Variants in CFAP54 observed in about 807,000 individuals in gnomAD.
CFAP54 encodes cilia- and flagella-associated protein 54.
Under a neutral mutation model 370.4 loss-of-function variants are expected in CFAP54, and 290 were observed. The ratio of observed to expected loss-of-function variants is 0.78; its 90% CI spans 0.71 to 0.86. The LOEUF (loss-of-function observed/expected upper bound fraction) is 0.86, where lower values mean the gene tolerates loss of function less well. Among genes scored for constraint, CFAP54 ranks in the 40% least tolerant of loss-of-function variants. CFAP54 has a pLI of 0.00. For missense variants in CFAP54, 3,399 were observed against 3,528.7 expected (o/e 0.96, Z 0.93); for synonymous variants, 1,206 against 1,236.5 (o/e 0.98, Z 0.52).
intron 39 of CFAP54, among the ~76,000 whole-genome samples, chr12:96,669,729 A>T (rs1293351939): frequency 6.6e-6 from 1 of 152,222 alleles, no homozygotes; most frequent in Non-Finnish European, 1.5e-5. Context: ...GATTTAGTTC[A>T]TCCAAACTTG....
At chr12:96,571,284 A>G (rs1429554619) in intron 19 of CFAP54, among the ~76,000 whole-genome samples, 1 of 152,224 alleles carries the variant, frequency 6.6e-6, no homozygotes, top group Non-Finnish European at 1.5e-5. Context: ...AGAGAAATTT[A>G]CATTCAGACA....
chr12:96,607,139 T>C (rs1956309932), intron 26 of CFAP54, among the ~76,000 whole-genome samples: 1 of 152,232 alleles, frequency 6.6e-6, no homozygotes, highest in Admixed American at 6.5e-5. Context: ...CATTGCTCAC[T>C]GACTTACCAG....
intron 66 of CFAP54, among the ~76,000 whole-genome samples, chr12:96,848,378 TG>T (rs1838634750): frequency 6.6e-6 from 1 of 152,130 alleles, no homozygotes; most frequent in Middle Eastern, 3.4e-3. Flanking sequence ...ACCAAAATAA[TG>T]TTATTTATTT....
chr12:96,710,098 T>C (rs1957594267), intron 48 of CFAP54, among the ~76,000 whole-genome samples: 1 of 152,196 alleles, frequency 6.6e-6, no homozygotes, highest in Admixed American at 6.5e-5. Context: ...GAGATATTGG[T>C]CTGCAGTTTT....
chr12:96,664,576 A>G (rs1957035902), intron 39 of CFAP54, among the ~76,000 whole-genome samples: 1 of 150,656 alleles, frequency 6.6e-6, no homozygotes, highest in Non-Finnish European at 1.5e-5. Context: ...TAATTGCTCT[A>G]CATAATTTGT....
Position 96,875,275 on chromosome 12 carries a change from A to G in CFAP54, c.*172A>G, listed in dbSNP as rs1960280005. 6.6e-6 allele frequency: 1 copy of G among 152,136 alleles called. No homozygotes were observed. The highest frequency in any genetic ancestry group is 6.5e-5 in the Admixed American group (1 of 15,274). 9.4% of individuals were successfully genotyped at this position (152,136 alleles called of 1,614,324 possible). A position where few individuals can be genotyped will look rare whatever the true frequency, so the allele number is the denominator to read the frequency against. On this transcript the variant is annotated 3_prime_UTR_variant, in exon 68 of 68. Coordinates refer to ENST00000524981, the MANE Select transcript of CFAP54 (RefSeq NM_001306084.2). The stretch of plus-strand genomic sequence containing the variant: ...CTAGTTCAAACTTGGATCTTGCCCC[A>G]TCTGATTTCTTATGATATATACAAA...
intron 39 of CFAP54, among the ~76,000 whole-genome samples, chr12:96,675,219 A>G (rs1050728355): frequency 6.6e-6 from 1 of 152,206 alleles, no homozygotes. Flanking sequence ...AGAATCTACA[A>G]TGAACTCAAA....
chr12:96,832,453 A>T (rs992656728), intron 66 of CFAP54, among the ~76,000 whole-genome samples: 1 of 152,092 alleles, frequency 6.6e-6, no homozygotes, highest in Non-Finnish European at 1.5e-5. Context: ...CAGTTTTCTC[A>T]TATGTAAAAA....
chr12:96,618,231 A>C (rs1428844920), intron 26 of CFAP54, among the ~76,000 whole-genome samples: 2 of 152,200 alleles, frequency 1.3e-5, no homozygotes, highest in Non-Finnish European at 2.9e-5. Flanking sequence ...GCATCTTGCC[A>C]ATGGCAACTT....
chr12:96,742,948 T>C (rs112036807), intron 52 of CFAP54, among the ~76,000 whole-genome samples: 1 of 152,212 alleles, frequency 6.6e-6, no homozygotes, highest in Non-Finnish European at 1.5e-5. Context: ...CAAGCCTTTC[T>C]TTGCCAAGTC....
intron 26 of CFAP54, among the ~76,000 whole-genome samples, chr12:96,604,860 C>T (rs1464973801): frequency 3.9e-5 from 6 of 152,224 alleles, no homozygotes; most frequent in African/African-American, 7.2e-5. Context: ...AGAAGTGTAC[C>T]GTTCCTCCAG....
chr12:96,601,130 T>C (rs1956237010), intron 26 of CFAP54, among the ~76,000 whole-genome samples: 1 of 152,120 alleles, frequency 6.6e-6, no homozygotes, highest in Non-Finnish European at 1.5e-5. Flanking sequence ...AGATACATTT[T>C]ATCAATATCT....
At chr12:96,824,281 G>A (rs1485813636) in intron 65 of CFAP54, among the ~76,000 whole-genome samples, 6 of 152,094 alleles carry the variant, frequency 3.9e-5, no homozygotes, top group Non-Finnish European at 7.4e-5. Context: ...ATGTGTATGC[G>A]GTTTACCTCA....
intron 4 of CFAP54, among the ~76,000 whole-genome samples, chr12:96,512,301 TTATATATATATATA>T (rs1165045194): frequency 5.5e-3 from 172 of 31,112 alleles, no homozygotes; most frequent in African/African-American, 0.016. Context: ...GGAACCAATT[TTATATATATATATA>T]TATATATATA....
rs543078621 is a variant in CFAP54 at position 96,621,239 on chromosome 12, G to C, written c.3640-351G>C. ...CAAGATAAGAAGTGGTGGTGATGTG[G>C]CCTTTACAAATGACTTTTTAAATAT... On this transcript the variant is annotated intron_variant, in intron 26 of 67. Transcript: ENST00000524981. 3.1e-3 allele frequency among the ~76,000 whole-genome samples: 468 copies of C among 152,288 alleles called. 3 individuals carry two copies. The highest frequency in any genetic ancestry group is 0.01 in the African/African-American group (428 of 41,572).
In CFAP54 at chr12:96,596,163, A is replaced by G. The variant is rs118019408; in HGVS notation, c.3516+1717A>G. 6.6e-5 allele frequency among the ~76,000 whole-genome samples: 10 copies of G among 152,310 alleles called. No homozygotes were observed. In the East Asian group the frequency reaches 1.9e-3, roughly 29 times the overall value. Reference sequence around the variant, plus strand: ...TGAGAACTCGGATAGAAAAGAAAACATTAGCTATATCAATGCATACCTTTT... The same window carrying G: ...TGAGAACTCGGATAGAAAAGAAAACGTTAGCTATATCAATGCATACCTTTT... On this transcript the variant is annotated intron_variant, in intron 25 of 67. Coordinates refer to ENST00000524981, the MANE Select transcript of CFAP54 (RefSeq NM_001306084.2).
intron 60 of CFAP54, among the ~76,000 whole-genome samples, chr12:96,779,485 C>T (rs1314191898): frequency 6.6e-6 from 1 of 151,886 alleles, no homozygotes; most frequent in Admixed American, 6.6e-5. Context: ...TTTTTGTGCA[C>T]AGATGTATGC....
At chr12:96,506,443 A>G (rs7962184) in intron 3 of CFAP54, among the ~76,000 whole-genome samples, 20,471 of 151,008 alleles carry the variant, frequency 0.14, 1,906 homozygotes, top group Middle Eastern at 0.21. Context: ...AACTAGATGG[A>G]TGTTTTAAAG....
chr12:96,529,793 C>G (rs961475068), intron 9 of CFAP54, among the ~76,000 whole-genome samples: 2 of 152,034 alleles, frequency 1.3e-5, no homozygotes, highest in African/African-American at 4.8e-5. Flanking sequence ...TTTTCATTCT[C>G]TTAATGATAT....
Sources: gnomAD v4.1 joint callset for allele counts (sites outside exome capture counted in the v4.1 genomes callset) on GRCh38, gnomAD v4.1.1 for gene constraint, MANE v1.5 for transcripts, NCBI Gene and HGNC (gene_info 2026-07-23, HGNC 2026-07-21) for gene names.